Variants in MPP7 observed in about 807,000 individuals in gnomAD.
MPP7 encodes the protein MAGUK p55 subfamily member 7.
A neutral mutation model predicts 76.5 loss-of-function variants in MPP7; 60 were observed. That is an observed-to-expected ratio of 0.78 (90% CI 0.64 to 0.97). MPP7 has a LOEUF of 0.97. MPP7 is among the 50% of genes least tolerant of loss of function. The pLI, the probability that MPP7 is intolerant of heterozygous loss-of-function variation, is 0.00. For missense variants in MPP7, 641 were observed against 694.0 expected (o/e 0.92, Z 0.86); for synonymous variants, 237 against 244.5 (o/e 0.97, Z 0.29).
At chr10:28,078,464 T>C (rs1852600528) in intron 12 of MPP7, among the ~76,000 whole-genome samples, 1 of 152,216 alleles carries the variant, frequency 6.6e-6, no homozygotes, top group African/African-American at 2.4e-5. Context: ...AAAGATGATA[T>C]ATGTAAGTAA....
intron 5 of MPP7, among the ~76,000 whole-genome samples, chr10:28,133,779 C>T (rs2763320): frequency 0.3 from 45,958 of 151,966 alleles, 8,836 homozygotes; most frequent in Non-Finnish European, 0.44. Context: ...CCCAAAGTGG[C>T]GATCTTTCCC....
At chr10:28,249,977 A>C (rs1839561199) in intron 1 of MPP7, among the ~76,000 whole-genome samples, 1 of 151,696 alleles carries the variant, frequency 6.6e-6, no homozygotes, top group African/African-American at 2.4e-5. Context: ...TTTAAAATGT[A>C]ATAGCATTTA....
Position 28,149,998 on chromosome 10 carries a change from G to C in MPP7, c.218C>G (p.Ala73Gly). 6.2e-7 allele frequency: 1 copy of C among 1,613,332 alleles called. No homozygotes were observed. Among genetic ancestry groups the C allele is most frequent in the Non-Finnish European group, 8.5e-7 (1 of 1,179,750 alleles). ...CACACTTACATCATCGGCCAAGGCCGCCGCACCATGGAGAATGGGCACCGG... is the reference window on the plus strand; with the variant it reads ...CACACTTACATCATCGGCCAAGGCCCCCGCACCATGGAGAATGGGCACCGG... ...QSPVPILHGA[A>G]ALADDLAEEL... The change falls in exon 4 of 17, where the codon GCG (alanine) becomes GGG (glycine). Residue 73 changes from alanine (A) to glycine (G), a missense_variant. Transcript: ENST00000683449.
At chr10:28,273,785 C>A (rs1057310447) in intron 1 of MPP7, among the ~76,000 whole-genome samples, 1 of 152,156 alleles carries the variant, frequency 6.6e-6, no homozygotes, top group African/African-American at 2.4e-5. Context: ...GATTTTTATT[C>A]TTATCCCTGT....
intron 1 of MPP7, among the ~76,000 whole-genome samples, chr10:28,244,128 A>G (rs1402168709): frequency 6.6e-6 from 1 of 152,164 alleles, no homozygotes; most frequent in South Asian, 2.1e-4. Flanking sequence ...CTGTGTTCCC[A>G]TAAAACTTGA....
chr10:28,174,241 A>G (rs1262092582), intron 3 of MPP7, among the ~76,000 whole-genome samples: 1 of 151,976 alleles, frequency 6.6e-6, no homozygotes, highest in Non-Finnish European at 1.5e-5. Context: ...TATGGTTTGG[A>G]TATGGGGAGC....
At chr10:28,320,949 C>A (rs1349482068) in intron 2 of MPP7, among the ~76,000 whole-genome samples, 1 of 151,988 alleles carries the variant, frequency 6.6e-6, no homozygotes, top group East Asian at 1.9e-4. Flanking sequence ...GACAGAGTGT[C>A]CCCCAGAGCT....
chr10:28,317,142 C>T (rs1294690258), intron 2 of MPP7, among the ~76,000 whole-genome samples: 1 of 152,176 alleles, frequency 6.6e-6, no homozygotes, highest in African/African-American at 2.4e-5. Context: ...AAAGAGCATC[C>T]TTGTCATTAG....
At chr10:28,265,791 G>GT (rs1444125180) in intron 1 of MPP7, among the ~76,000 whole-genome samples, 1 of 152,162 alleles carries the variant, frequency 6.6e-6, no homozygotes, top group Non-Finnish European at 1.5e-5. Context: ...AATAAGCAGA[G>GT]TAAGTGCAGA....
In MPP7 at chr10:28,233,625, G is replaced by A. The variant is rs553121041; in HGVS notation, c.37+4943C>T. Among the ~76,000 whole-genome samples, 8 of 151,534 alleles carry A rather than the reference G, an allele frequency of 5.3e-5. No individual in the cohort carries two copies. In the South Asian group the frequency reaches 8.4e-4, roughly 16 times the overall value. ...CCCAGCTACTCAGGAGGCTGAGGCA[G>A]TAGAATGGTGTGAACCTGGGAGGCG... On this transcript the variant is annotated intron_variant, in intron 2 of 16. Coordinates refer to ENST00000683449, the MANE Select transcript of MPP7 (RefSeq NM_001318170.2).
At chr10:28,306,539 T>C (rs1272295843), upstream of MPP7, among the ~76,000 whole-genome samples, 1 of 151,384 alleles carries the variant, frequency 6.6e-6, no homozygotes. Context: ...TCCTAGCTAC[T>C]CGGGAGGCTG....
At chr10:28,184,937 T>C (rs1160607194) in intron 3 of MPP7, among the ~76,000 whole-genome samples, 5 of 147,346 alleles carry the variant, frequency 3.4e-5, no homozygotes, top group Non-Finnish European at 7.5e-5. Context: ...TTGTTATATA[T>C]CATAATGTAA....
intron 11 of MPP7, among the ~76,000 whole-genome samples, chr10:28,101,976 A>G (rs1197950553): frequency 2.0e-5 from 3 of 152,178 alleles, no homozygotes; most frequent in Non-Finnish European, 1.5e-5. Flanking sequence ...ATTTTTCCTA[A>G]TAATTCATAT....
At chr10:28,207,504 T>A (rs993239048) in intron 2 of MPP7, among the ~76,000 whole-genome samples, 1 of 152,020 alleles carries the variant, frequency 6.6e-6, no homozygotes, top group East Asian at 1.9e-4. Flanking sequence ...GGCAACACAG[T>A]GAGACCCTGT....
rs1212884350 is a variant in MPP7 at position 28,218,793 on chromosome 10, TAAAAC to T, written c.38-16527_38-16523del. 3.3e-5 allele frequency among the ~76,000 whole-genome samples: 5 copies of T among 152,148 alleles called. No individual in the cohort carries two copies. The East Asian group carries it at 9.7e-4, about 29-fold the overall frequency. ...AAACACCAGAATTTTTTTTAAAAAA[TAAAAC>T]AAACATGTAACTTACACCAACAGAT... On this transcript the variant is annotated intron_variant, in intron 2 of 16. Transcript: ENST00000683449.
chr10:28,297,624 G>C (rs113375971), intron 1 of MPP7, among the ~76,000 whole-genome samples: 283 of 152,278 alleles, frequency 1.9e-3, no homozygotes, highest in Non-Finnish European at 2.4e-3. Context: ...TCTTAAACCT[G>C]GGAGGCGGAG....
At chr10:28,333,871 TG>T (rs964887470) in intron 1 of MPP7, among the ~76,000 whole-genome samples, 4 of 152,150 alleles carry the variant, frequency 2.6e-5, no homozygotes, top group African/African-American at 9.7e-5. Context: ...GAGAAATTTT[TG>T]TATGGGCTGC....
chr10:28,124,642 AT>A (rs58093733), intron 7 of MPP7, among the ~76,000 whole-genome samples: 1,657 of 140,548 alleles, frequency 0.012, 17 homozygotes, highest in African/African-American at 0.036. Flanking sequence ...CACTTGACTA[AT>A]TTTTTTTTTT....
intron 1 of MPP7, among the ~76,000 whole-genome samples, chr10:28,246,318 T>C (rs927259684): frequency 2.7e-5 from 4 of 150,622 alleles, no homozygotes; most frequent in South Asian, 2.1e-4. Context: ...AAAAAAAAAA[T>C]CTGCCAATCA....
Sources: allele counts gnomAD v4.1 joint callset (sites outside exome capture counted in the v4.1 genomes callset), GRCh38; gene constraint gnomAD v4.1.1; transcripts MANE v1.5; gene names NCBI Gene and HGNC (gene_info 2026-07-23, HGNC 2026-07-21).